The following ITGB1 variants were observed in gnomAD, a reference collection of about 807,000 sequenced individuals.
ITGB1 encodes the protein integrin subunit beta 1, also known as integrin beta-1.
In ITGB1, 24 loss-of-function variants were observed where a neutral mutation model predicts 86.5. The observed-to-expected ratio is 0.28, with a 90% CI of 0.20 to 0.39. The LOEUF is 0.39. Ranked by LOEUF, ITGB1 falls within the 10% of genes least tolerant of loss-of-function variation. The probability of loss-of-function intolerance (pLI) is 1.00; values close to 1 mark genes in which losing one functional copy is unlikely to be tolerated. For synonymous variants in ITGB1, 323 were observed against 316.8 expected (o/e 1.02, Z -0.21); for missense variants, 556 against 946.9 (o/e 0.59, Z 5.42).
At chr10:32,941,162 A>G (rs2095017379) in intron 1 of ITGB1, among the ~76,000 whole-genome samples, 1 of 152,144 alleles carries the variant, frequency 6.6e-6, no homozygotes, top group Admixed American at 6.5e-5. Context: ...ATTCCAAGCA[A>G]AAGGCCTGCA....
chr10:32,907,063 G>T, intron 15 of ITGB1: 1 of 1,346,164 alleles, frequency 7.4e-7, no homozygotes, highest in Non-Finnish European at 9.9e-7. Context: ...AAATACGAAC[G>T]GCAATTTAGA....
intron 5 of ITGB1, among the ~76,000 whole-genome samples, chr10:32,927,165 T>C (rs766192160): frequency 6.6e-6 from 1 of 152,224 alleles, no homozygotes; most frequent in Non-Finnish European, 1.5e-5. Context: ...CCTTGAATTA[T>C]GCTTACAGAA....
At position 32,926,114 on chromosome 10, in the gene ITGB1, C is replaced by A; in HGVS notation, c.548-5G>T. On this transcript the variant is annotated splice_region_variant and splice_polypyrimidine_tract_variant and intron_variant, in intron 5 of 15. Transcript: ENST00000302278. ...TTTCCACAAATGAGCCAAATCCTGC[C>A]AAGAAAAAAATGGTACATAAATGAA... 1 of 1,586,962 alleles carries A rather than the reference C, an allele frequency of 6.3e-7. No homozygotes were observed.
intron 11 of ITGB1, among the ~76,000 whole-genome samples, chr10:32,917,240 C>T (rs1410423378): frequency 2.6e-5 from 4 of 152,020 alleles, no homozygotes; most frequent in Admixed American, 6.6e-5. Context: ...ATAAAAACCT[C>T]AGAAGAAAAT....
chr10:32,936,653 C>T (rs553054768), intron 1 of ITGB1, among the ~76,000 whole-genome samples: 1 of 152,196 alleles, frequency 6.6e-6, no homozygotes, highest in South Asian at 2.1e-4. Context: ...CCATTAGGTA[C>T]ATATATAACT....
intron 3 of ITGB1, among the ~76,000 whole-genome samples, chr10:32,930,605 A>C (rs1050739058): frequency 6.6e-6 from 1 of 152,220 alleles, no homozygotes; most frequent in Non-Finnish European, 1.5e-5. Context: ...AAAAAACTTT[A>C]AGTATTAGCT....
chr10:32,937,479 C>T (rs1023306993), intron 1 of ITGB1, among the ~76,000 whole-genome samples: 4 of 150,066 alleles, frequency 2.7e-5, no homozygotes, highest in African/African-American at 9.8e-5. Context: ...TCGCTTGAAC[C>T]CGGGAGGCGG....
Position 32,925,889 on chromosome 10 carries a change from C to T in ITGB1, c.768G>A (p.Met256Ile), listed in dbSNP as rs748273558. ...CGCTTACTCCACAAACTGCAACTTGCATGATGGCATCGAAACCACCTTCTG... is the reference window on the plus strand; with the variant it reads ...CGCTTACTCCACAAACTGCAACTTGTATGATGGCATCGAAACCACCTTCTG... ...DSPEGGFDAI[M>I]QVAVCGSLIG... Residue 256 changes from methionine (M) to isoleucine (I), a missense_variant, in exon 6 of 16, where the codon ATG becomes ATA. Coordinates refer to ENST00000302278, the MANE Select transcript of ITGB1 (RefSeq NM_002211.4). The T allele has an allele frequency of 1.9e-6, 3 of 1,610,528 alleles. No individual in the cohort carries two copies. The South Asian group carries it at 3.3e-5, about 18-fold the overall frequency.
chr10:32,907,465 G>A (rs1459787110), intron 15 of ITGB1, among the ~76,000 whole-genome samples: 1 of 152,078 alleles, frequency 6.6e-6, no homozygotes, highest in Non-Finnish European at 1.5e-5. Flanking sequence ...CGGTCACTTA[G>A]GGCTTTTAAG....
chr10:32,920,469 A>G, intron 9 of ITGB1, 84 bp from the exon 10 acceptor site: 2 of 1,226,258 alleles, frequency 1.6e-6, no homozygotes, highest in Non-Finnish European at 1.2e-6. Flanking sequence ...ACTGCTCAGA[A>G]AAAAATATAT....
chr10:32,921,894 T>C (rs1565824161), intron 9 of ITGB1, among the ~76,000 whole-genome samples: 2 of 152,020 alleles, frequency 1.3e-5, no homozygotes, highest in East Asian at 1.9e-4. Flanking sequence ...TTCATCAGAA[T>C]AGATGACTCT....
At chr10:32,932,045 C>T (rs1047061397) in intron 3 of ITGB1, among the ~76,000 whole-genome samples, 3 of 151,940 alleles carry the variant, frequency 2.0e-5, no homozygotes, top group Non-Finnish European at 2.9e-5. Flanking sequence ...TTAATTTATA[C>T]CTCCCCATCA....
In ITGB1 at chr10:32,920,045, T is replaced by C. The variant is rs1399322556; in HGVS notation, c.1309A>G (p.Lys437Glu). 2 of 1,613,994 alleles carry C rather than the reference T, an allele frequency of 1.2e-6. No homozygotes were observed. Among genetic ancestry groups the C allele is most frequent in the African/African-American group, 1.3e-5 (1 of 74,934 alleles). Residue 437 changes from lysine (K) to glutamate (E), a missense_variant, in exon 11 of 16, where the codon AAA becomes GAA. This residue lies in a region of ITGB1 where 330 missense variants were observed against 531.5 expected (regional missense o/e 0.62). Transcript: ENST00000302278. ...ATTTTAAAGCTGTCAGAATCCTTTT[T>C]TGGACACTTATTTGAAGTTATGCTA... ...EISITSNKCPKKDSDSFKIRP... is the reference protein window; with the variant it reads ...EISITSNKCPEKDSDSFKIRP...
intron 1 of ITGB1, chr10:32,951,642 C>A: frequency 6.6e-6 from 1 of 152,238 alleles, no homozygotes; most frequent in East Asian, 1.9e-4. Context: ...CTTCCCAGCT[C>A]CTCCTTCCAC....
rs117363628 is a variant in ITGB1 at position 32,950,506 on chromosome 10, A to C, written c.-1+7639T>G. Among the ~76,000 whole-genome samples the C allele has an allele frequency of 7.3e-3, 1,106 of 152,280 alleles. 5 individuals carry two copies. The highest frequency in any genetic ancestry group is 0.024 in the Middle Eastern group (7 of 294). On this transcript the variant is annotated intron_variant, in intron 1 of 15. Transcript: ENST00000302278. Reference sequence around the variant, plus strand: ...GTCACTACAGAGGTGTTTATGGCCCAAATATTAATAAGCTAGCATTAATGA... The same window carrying C: ...GTCACTACAGAGGTGTTTATGGCCCCAATATTAATAAGCTAGCATTAATGA...
At chr10:32,923,880 A>G in intron 6 of ITGB1, 140 bp from the exon 7 acceptor site, 1 of 700,876 alleles carries the variant, frequency 1.4e-6, no homozygotes, top group South Asian at 2.0e-5. Context: ...AATGGTAATT[A>G]TCTTGCTGAG....
intron 15 of ITGB1, among the ~76,000 whole-genome samples, chr10:32,903,678 G>C (rs79853754): frequency 0.021 from 3,171 of 152,156 alleles, 48 homozygotes; most frequent in Non-Finnish European, 0.027. Context: ...GGATCCCTCA[G>C]AGACAAACAG....
At chr10:32,955,609 G>T (rs1286096679) in intron 1 of ITGB1, 7 of 152,166 alleles carry the variant, frequency 4.6e-5, no homozygotes, top group Non-Finnish European at 8.8e-5. Flanking sequence ...ACAATCAGTG[G>T]CAAGCACGCT....
intron 2 of ITGB1, chr10:32,933,285 T>C (rs1009449727): frequency 5.3e-5 from 8 of 152,174 alleles, no homozygotes; most frequent in African/African-American, 1.4e-4. Context: ...CTGTCATAAA[T>C]GTCATGAGTT....
Sources: gnomAD v4.1 joint callset for allele counts (sites outside exome capture counted in the v4.1 genomes callset) on GRCh38, gnomAD v4.1.1 for gene constraint, gnomAD v4.1.1 regional missense constraint, MANE v1.5 for transcripts, NCBI Gene and HGNC (gene_info 2026-07-23, HGNC 2026-07-21) for gene names.